Variants in KL observed in about 807,000 individuals in gnomAD.
The protein encoded by KL is klotho.
A neutral mutation model predicts 84.2 loss-of-function variants in KL; 62 were observed. The ratio of observed to expected loss-of-function variants is 0.74; its 90% CI spans 0.60 to 0.91. KL has a LOEUF of 0.91. Ranked by LOEUF, KL falls within the 40% of genes least tolerant of loss-of-function variation. KL has a pLI of 0.00. For synonymous variants in KL, 528 were observed against 528.0 expected, an observed-to-expected ratio of 1.00 and a Z score of 0.00; for missense variants, 1,261 against 1,305.7, an observed-to-expected ratio of 0.97 and a Z score of 0.53.
rs184826398 is a variant in KL, at chr13:33,031,286, C to T, written c.819+14027C>T. Among the ~76,000 whole-genome samples, 328 of 152,222 alleles carry T rather than the reference C, an allele frequency of 2.2e-3. 1 individual carries two copies. Among genetic ancestry groups the T allele is most frequent in the African/African-American group, 7.2e-3 (299 of 41,530 alleles). On this transcript the variant is annotated intron_variant, in intron 1 of 4. Transcript: ENST00000380099. ...ATCCATAAGAAATAAAGGAAACTCC[C>T]AGGACGAGAGCAGCTCTTGACAGCA...
intron 1 of KL, among the ~76,000 whole-genome samples, chr13:33,024,579 G>A (rs1593789936): frequency 6.6e-6 from 1 of 152,220 alleles, no homozygotes; most frequent in Non-Finnish European, 1.5e-5. Flanking sequence ...CTTTTCGTGA[G>A]GGTCCAGAGG....
chr13:33,046,032 T>C (rs1355232613), intron 1 of KL, among the ~76,000 whole-genome samples: 1 of 152,228 alleles, frequency 6.6e-6, no homozygotes, highest in Non-Finnish European at 1.5e-5. Flanking sequence ...AATATGCTGC[T>C]GGATTTGTTT....
intron 1 of KL, among the ~76,000 whole-genome samples, chr13:33,047,634 A>G (rs1424207136): frequency 6.6e-6 from 1 of 152,076 alleles, no homozygotes; most frequent in Non-Finnish European, 1.5e-5. Flanking sequence ...AGCCCCTAAA[A>G]TCTGCTTTCA....
chr13:33,033,878 A>G (rs1394374582), intron 1 of KL, among the ~76,000 whole-genome samples: 1 of 152,098 alleles, frequency 6.6e-6, no homozygotes, highest in Non-Finnish European at 1.5e-5. Context: ...AACCAATAAG[A>G]TCATTTTTTT....
At chr13:33,045,111 A>T (rs1871478355) in intron 1 of KL, among the ~76,000 whole-genome samples, 1 of 152,120 alleles carries the variant, frequency 6.6e-6, no homozygotes, top group Non-Finnish European at 1.5e-5. Context: ...TTTGGAACTT[A>T]TTATAAATGG....
rs748333246 is a variant in KL, at chr13:33,016,940, G to A, written c.500G>A (p.Arg167His). ...AATGGCAGCGCGGGCGTCCCCAACC[G>A]CGAGGGGCTGCGCTACTACCGGCGC... ...LPNGSAGVPN[R>H]EGLRYYRRLL... is the part of the protein sequence containing the mutation. Residue 167 changes from arginine to histidine, a missense_variant, in exon 1 of 5, where the codon CGC (arginine) becomes CAC (histidine). Arg to His is a conservative substitution (Grantham distance 29). Coordinates refer to ENST00000380099, the MANE Select transcript of KL (RefSeq NM_004795.4). 4 of 1,607,176 alleles carry A rather than the reference G, an allele frequency of 2.5e-6. No individual in the cohort carries two copies. The South Asian group carries it at 3.3e-5, about 13-fold the overall frequency.
At chr13:33,057,578 C>T (rs1400969529) in intron 3 of KL, among the ~76,000 whole-genome samples, 3 of 152,146 alleles carry the variant, frequency 2.0e-5, no homozygotes, top group African/African-American at 7.2e-5. Context: ...CTTTTTTCCT[C>T]ATCAGCTTGG....
chr13:33,061,587 C>T lies in KL; in HGVS notation c.2508C>T (p.Ile836=). Reference sequence around the variant, plus strand: ...TAGAAGTGCAAGAAATGACCGACATCACGTGGCTCAACTCCCCCAGTCAGG... The same window carrying T: ...TAGAAGTGCAAGAAATGACCGACATTACGTGGCTCAACTCCCCCAGTCAGG... ...DYLEVQEMTD[I]TWLNSPSQVA... The change falls in exon 4 of 5, where the codon ATC becomes ATT. Residue 836 remains isoleucine (I), a synonymous_variant. Transcript: ENST00000380099. 1 of 1,614,192 alleles carries T rather than the reference C, an allele frequency of 6.2e-7. No homozygotes were observed. Among genetic ancestry groups the T allele is most frequent in the East Asian group, 2.2e-5 (1 of 44,892 alleles).
intron 2 of KL, 130 bp downstream of exon 2, chr13:33,054,407 A>C: frequency 1.1e-6 from 1 of 952,208 alleles, no homozygotes; most frequent in Non-Finnish European, 1.6e-6. Context: ...TGGCAATAGT[A>C]GAATGCATTC....
At chr13:33,025,223 C>T (rs1168804405) in intron 1 of KL, among the ~76,000 whole-genome samples, 3 of 152,068 alleles carry the variant, frequency 2.0e-5, no homozygotes, top group Admixed American at 1.3e-4. Flanking sequence ...GGAGGTAGTA[C>T]GGGAGCAGTC....
chr13:33,022,993 C>A (rs532330212), intron 1 of KL, among the ~76,000 whole-genome samples: 10 of 152,106 alleles, frequency 6.6e-5, no homozygotes, highest in Non-Finnish European at 1.0e-4. Context: ...CGTTATGTGA[C>A]CTTTGTTGAT....
intron 1 of KL, among the ~76,000 whole-genome samples, chr13:33,036,875 CTTA>C (rs1006573832): frequency 2.4e-4 from 37 of 152,190 alleles, no homozygotes; most frequent in African/African-American, 8.7e-4. Context: ...TATTATTGAT[CTTA>C]TTGTCTATTT....
intron 1 of KL, among the ~76,000 whole-genome samples, chr13:33,046,056 T>A (rs973868675): frequency 1.3e-5 from 2 of 152,230 alleles, no homozygotes; most frequent in African/African-American, 2.4e-5. Context: ...TAGTATTTGG[T>A]TGCATTCTTT....
intron 1 of KL, among the ~76,000 whole-genome samples, chr13:33,042,990 T>C (rs781177510): frequency 1.3e-5 from 2 of 152,216 alleles, no homozygotes; most frequent in Non-Finnish European, 2.9e-5. Context: ...CCAGCATCTT[T>C]GAACATATCA....
chr13:33,019,730 T>TGAGA (rs1189787025), intron 1 of KL, among the ~76,000 whole-genome samples: 951 of 88,542 alleles, frequency 0.011, 9 homozygotes, highest in African/African-American at 0.024. Context: ...TGTGTGTGTG[T>TGAGA]GTGAGAGAGA....
In KL at chr13:33,063,979, C is replaced by T. The variant is rs1452041818; in HGVS notation, c.2832C>T (p.Tyr944=). The T allele has an allele frequency of 5.0e-6, 8 of 1,614,016 alleles. No individual in the cohort carries two copies. Among genetic ancestry groups the T allele is most frequent in the Non-Finnish European group, 5.9e-6 (7 of 1,180,036 alleles). Residue 944 remains tyrosine (Y), a synonymous_variant, in exon 5 of 5, where the codon TAC becomes TAT. Coordinates refer to ENST00000380099, the MANE Select transcript of KL (RefSeq NM_004795.4). The stretch of plus-strand genomic sequence containing the variant: ...AGCCCAAGGCATCCATGAAACATTA[C>T]AGGAAAATTATTGACAGCAATGGTT... ...QFEPKASMKH[Y]RKIIDSNGFP...
chr13:33,044,353 C>T (rs1206468586), intron 1 of KL, among the ~76,000 whole-genome samples: 2 of 152,062 alleles, frequency 1.3e-5, no homozygotes, highest in Non-Finnish European at 2.9e-5. Context: ...TTCATTTCTA[C>T]AAAAAGTTTA....
chr13:33,019,215 T>G (rs562788607), intron 1 of KL, among the ~76,000 whole-genome samples: 133 of 152,240 alleles, frequency 8.7e-4, no homozygotes, highest in Non-Finnish European at 1.6e-3. Flanking sequence ...TAGAAGCGAG[T>G]TCCCATTGTC....
intron 1 of KL, among the ~76,000 whole-genome samples, chr13:33,046,661 G>C (rs1871540050): frequency 2.0e-5 from 3 of 149,526 alleles, no homozygotes; most frequent in African/African-American, 7.3e-5. Context: ...ATTTTTATTA[G>C]TTCCTTTATT....
Sources: gnomAD v4.1 joint callset for allele counts (sites outside exome capture counted in the v4.1 genomes callset) on GRCh38, gnomAD v4.1.1 for gene constraint, MANE v1.5 for transcripts, NCBI Gene and HGNC (gene_info 2026-07-23, HGNC 2026-07-21) for gene names.